The following DSCAM variants were observed in gnomAD, a reference collection of about 807,000 sequenced individuals.
The protein encoded by DSCAM is cell adhesion molecule DSCAM.
Under a neutral mutation model 217.7 loss-of-function variants are expected in DSCAM, and 47 were observed. The observed-to-expected ratio is 0.22, with a 90% CI of 0.17 to 0.28. The LOEUF is 0.28. DSCAM is among the 10% of genes least tolerant of loss of function. The pLI is 1.00. For missense variants in DSCAM, 2,080 were observed against 2,618.3 expected, an observed-to-expected ratio of 0.79 and a Z score of 4.49; for synonymous variants, 1,056 against 1,015.3, an observed-to-expected ratio of 1.04 and a Z score of -0.76.
At chr21:40,829,999 T>A (rs2091999961) in intron 1 of DSCAM, among the ~76,000 whole-genome samples, 1 of 152,238 alleles carries the variant, frequency 6.6e-6, no homozygotes, top group Non-Finnish European at 1.5e-5. Context: ...TGGCTCCTCT[T>A]AACTCTCCCC....
At chr21:40,518,012 G>A (rs1056352541) in intron 3 of DSCAM, among the ~76,000 whole-genome samples, 1 of 151,896 alleles carries the variant, frequency 6.6e-6, no homozygotes, top group Non-Finnish European at 1.5e-5. Context: ...GCAGACTCTT[G>A]GTTCACAGAG....
intron 3 of DSCAM, among the ~76,000 whole-genome samples, chr21:40,553,982 C>T (rs1601739328): frequency 6.6e-6 from 1 of 152,010 alleles, no homozygotes; most frequent in East Asian, 1.9e-4. Context: ...AATCAGGGTG[C>T]TTGTCATTGT....
intron 12 of DSCAM, among the ~76,000 whole-genome samples, chr21:40,188,838 C>G (rs780339906): frequency 6.6e-6 from 1 of 150,574 alleles, no homozygotes; most frequent in Non-Finnish European, 1.5e-5. Flanking sequence ...TCATAATAAC[C>G]CTATTCTTAA....
At chr21:40,354,796 C>T (rs552961992) in intron 4 of DSCAM, among the ~76,000 whole-genome samples, 13 of 147,208 alleles carry the variant, frequency 8.8e-5, no homozygotes, top group Non-Finnish European at 1.8e-4. Flanking sequence ...TTGCAGTGAG[C>T]CGAGATAGCG....
chr21:40,832,121 G>T (rs1458900710), intron 1 of DSCAM, among the ~76,000 whole-genome samples: 1 of 152,162 alleles, frequency 6.6e-6, no homozygotes, highest in African/African-American at 2.4e-5. Flanking sequence ...ATACCCATTT[G>T]ACTGAGAATG....
At chr21:40,465,432 G>A (rs187157514) in intron 3 of DSCAM, among the ~76,000 whole-genome samples, 3 of 152,296 alleles carry the variant, frequency 2.0e-5, no homozygotes, top group East Asian at 1.9e-4. Flanking sequence ...CTTCAATGAT[G>A]AGTAAACTGA....
At chr21:40,152,556 A>G (rs1264427047) in intron 16 of DSCAM, among the ~76,000 whole-genome samples, 2 of 151,304 alleles carry the variant, frequency 1.3e-5, no homozygotes, top group African/African-American at 4.8e-5. Context: ...GCCTCCTTTC[A>G]TCCTCCCAGA....
rs552044256 is a variant in DSCAM, at chr21:40,218,275, T to G, written c.2357-29037A>C. Among the ~76,000 whole-genome samples the G allele has an allele frequency of 3.9e-5, 6 of 152,316 alleles. No homozygotes were observed. In the South Asian group the frequency reaches 1.2e-3, roughly 32 times the overall value. Reference sequence around the variant, plus strand: ...GTCTTTTCCCCACTGCTTGTTTTTGTCAGCTTTATCAATGCTAAGATGATT... The same window carrying G: ...GTCTTTTCCCCACTGCTTGTTTTTGGCAGCTTTATCAATGCTAAGATGATT... On this transcript the variant is annotated intron_variant, in intron 11 of 32. Transcript: ENST00000400454.
chr21:40,230,120 C>A (rs1484424905), intron 11 of DSCAM, among the ~76,000 whole-genome samples: 1 of 152,206 alleles, frequency 6.6e-6, no homozygotes. Context: ...TACTTGTCAT[C>A]ATATGTTCAT....
intron 3 of DSCAM, among the ~76,000 whole-genome samples, chr21:40,691,954 G>T (rs1161594606): frequency 6.6e-6 from 1 of 152,226 alleles, no homozygotes; most frequent in African/African-American, 2.4e-5. Flanking sequence ...TGGATAAAAT[G>T]TTGCTTAGTC....
chr21:40,423,343 C>T (rs1426280773), intron 3 of DSCAM, among the ~76,000 whole-genome samples: 2 of 149,106 alleles, frequency 1.3e-5, no homozygotes, highest in African/African-American at 5.1e-5. Context: ...GACTCATTAT[C>T]CACAACGAGA....
At chr21:40,453,040 T>TGTGTG (rs2075733141) in intron 3 of DSCAM, among the ~76,000 whole-genome samples, 13 of 134,426 alleles carry the variant, frequency 9.7e-5, no homozygotes, top group Middle Eastern at 3.8e-3. Flanking sequence ...TTTAAAGACT[T>TGTGTG]TGTGTGTGTG....
chr21:40,424,400 G>A (rs2075452717), intron 3 of DSCAM, among the ~76,000 whole-genome samples: 2 of 152,194 alleles, frequency 1.3e-5, no homozygotes, highest in African/African-American at 4.8e-5. Flanking sequence ...GGGAACATGA[G>A]GTAAAAACAC....
intron 3 of DSCAM, among the ~76,000 whole-genome samples, chr21:40,539,674 T>C (rs898967396): frequency 2.0e-5 from 3 of 152,158 alleles, no homozygotes; most frequent in African/African-American, 7.2e-5. Context: ...GGATGTTTTT[T>C]GTTGTTGGTC....
At chr21:40,548,515 T>A (rs1457459241) in intron 3 of DSCAM, among the ~76,000 whole-genome samples, 7 of 143,552 alleles carry the variant, frequency 4.9e-5, no homozygotes, top group East Asian at 2.0e-4. Flanking sequence ...AAAAAAAAAA[T>A]ATATATATGT....
At chr21:40,071,112 T>C (rs1432411176) in intron 27 of DSCAM, among the ~76,000 whole-genome samples, 1 of 152,158 alleles carries the variant, frequency 6.6e-6, no homozygotes, top group Non-Finnish European at 1.5e-5. Flanking sequence ...TTGGAGTTGA[T>C]TACTTGACAC....
intron 20 of DSCAM, among the ~76,000 whole-genome samples, chr21:40,097,940 C>CAAA (rs1311731207): frequency 2.0e-4 from 2 of 10,124 alleles, no homozygotes; most frequent in African/African-American, 5.1e-4. Context: ...GACTCTGTCT[C>CAAA]AAAAAAAAAA....
intron 11 of DSCAM, among the ~76,000 whole-genome samples, chr21:40,233,120 C>T (rs534976255): frequency 9.9e-5 from 15 of 151,980 alleles, no homozygotes; most frequent in Middle Eastern, 3.4e-3. Flanking sequence ...TACACCAAAC[C>T]CCCGTGACGA....
At chr21:40,683,759 G>A (rs900000639) in intron 3 of DSCAM, among the ~76,000 whole-genome samples, 3 of 152,284 alleles carry the variant, frequency 2.0e-5, no homozygotes, top group African/African-American at 7.2e-5. Context: ...GAAGAAAGCT[G>A]TTCTCAGCCC....
Sources: allele counts gnomAD v4.1 joint callset (sites outside exome capture counted in the v4.1 genomes callset), GRCh38; gene constraint gnomAD v4.1.1; transcripts MANE v1.5; gene names NCBI Gene and HGNC (gene_info 2026-07-23, HGNC 2026-07-21).